Variants in FRMPD4 observed in about 807,000 individuals in gnomAD.
FRMPD4 encodes FERM and PDZ domain-containing protein 4.
A neutral mutation model predicts 94.1 loss-of-function variants in FRMPD4; 22 were observed. The ratio of observed to expected loss-of-function variants is 0.23; its 90% confidence interval spans 0.17 to 0.33. FRMPD4 has a LOEUF of 0.33. FRMPD4 is among the 10% of genes least tolerant of loss of function. The probability of loss-of-function intolerance (pLI) is 1.00; values close to 1 mark genes in which losing one functional copy is unlikely to be tolerated. For synonymous variants in FRMPD4, 631 were observed against 548.6 expected (o/e 1.15, Z -2.10); for missense variants, 1,111 against 1,339.9 (o/e 0.83, Z 2.67).
At chrX:12,720,457 A>C in intron 16 of FRMPD4, 77 bp from the exon 17 acceptor site, 2 of 1,000,142 alleles carry the variant, frequency 2.0e-6, no homozygotes, top group Non-Finnish European at 2.8e-6. Context: ...GACAGACATC[A>C]TGTAGAGATG....
intron 3 of FRMPD4, among the ~76,000 whole-genome samples, chrX:12,067,725 A>G (rs2054933615): frequency 8.9e-6 from 1 of 111,897 alleles, no homozygotes; most frequent in Non-Finnish European, 1.9e-5. Context: ...CAGTGGAGAT[A>G]CTTTTAATGT....
At chrX:11,981,828 G>A (rs1425395930) in intron 3 of FRMPD4, among the ~76,000 whole-genome samples, 2 of 111,364 alleles carry the variant, frequency 1.8e-5, no homozygotes, top group African/African-American at 6.5e-5. Flanking sequence ...GCTAATTCCA[G>A]ATGTTTTACC....
intron 3 of FRMPD4, among the ~76,000 whole-genome samples, chrX:12,076,826 C>T (rs1292208607): frequency 9.0e-6 from 1 of 111,613 alleles, no homozygotes; most frequent in Non-Finnish European, 1.9e-5. Flanking sequence ...TCTCTCCCTC[C>T]TCCAAACAGA....
intron 1 of FRMPD4, among the ~76,000 whole-genome samples, chrX:12,336,891 A>G (rs1392741633): frequency 1.8e-5 from 2 of 111,566 alleles, no homozygotes; most frequent in African/African-American, 6.5e-5. Context: ...AAGAAGAGCA[A>G]TGGAGTGAAC....
intron 3 of FRMPD4, among the ~76,000 whole-genome samples, chrX:11,885,937 C>T (rs1181474657): frequency 1.8e-5 from 2 of 111,623 alleles, no homozygotes; most frequent in Non-Finnish European, 3.8e-5. Context: ...TATTTCGAAG[C>T]TTTGAGTTGA....
chrX:12,546,298 C>A (rs4483344), intron 2 of FRMPD4, among the ~76,000 whole-genome samples: 7 of 108,121 alleles, frequency 6.5e-5, no homozygotes, highest in Non-Finnish European at 1.1e-4. Flanking sequence ...CTACTGCAGC[C>A]TCCCGAGTAG....
intron 1 of FRMPD4, among the ~76,000 whole-genome samples, chrX:12,225,482 T>C (rs1264091558): frequency 8.0e-5 from 9 of 112,305 alleles, no homozygotes; most frequent in Non-Finnish European, 1.5e-4. Flanking sequence ...AAGCTAATAC[T>C]TAATAGCAAC....
chrX:12,108,368 A>T lies in FRMPD4; in HGVS notation c.95+230350A>T, dbSNP rs200044080. On this transcript the variant is annotated intron_variant, in intron 3 of 18. Coordinates refer to the FRMPD4 transcript ENST00000640291. Reference sequence around the variant, plus strand: ...AAATAAAATCCTTTACAGACAAGCAAATGTTGAGAGATTTTGTCACCACCA... The same window carrying T: ...AAATAAAATCCTTTACAGACAAGCATATGTTGAGAGATTTTGTCACCACCA... Among the ~76,000 whole-genome samples, 84 of 111,978 alleles carry T rather than the reference A, an allele frequency of 7.5e-4. No homozygotes were observed. In the East Asian group the frequency reaches 0.023, roughly 30 times the overall value.
intron 5 of FRMPD4, among the ~76,000 whole-genome samples, chrX:12,680,304 C>A (rs1313346281): frequency 2.7e-5 from 3 of 112,142 alleles, no homozygotes; most frequent in African/African-American, 9.7e-5. Flanking sequence ...ATTTCCACCA[C>A]AGGATATGAA....
At chrX:12,551,215 C>T (rs1284507592) in intron 2 of FRMPD4, among the ~76,000 whole-genome samples, 2 of 110,865 alleles carry the variant, frequency 1.8e-5, no homozygotes, top group Non-Finnish European at 3.8e-5. Flanking sequence ...ACACTGAACT[C>T]CCATATGCCC....
chrX:12,404,794 C>G (rs983651752), intron 1 of FRMPD4, among the ~76,000 whole-genome samples: 2 of 111,674 alleles, frequency 1.8e-5, no homozygotes, highest in African/African-American at 6.5e-5. Context: ...TAGGAGTCAG[C>G]AAACTTTCTG....
intron 1 of FRMPD4, among the ~76,000 whole-genome samples, chrX:12,327,391 T>C (rs1478941212): frequency 8.9e-6 from 1 of 111,924 alleles, no homozygotes; most frequent in East Asian, 2.8e-4. Flanking sequence ...CTGTAGCTGA[T>C]CCTATAACTG....
intron 2 of FRMPD4, among the ~76,000 whole-genome samples, chrX:11,867,975 C>T (rs2053731347): frequency 8.9e-6 from 1 of 112,038 alleles, no homozygotes; most frequent in African/African-American, 3.2e-5. Context: ...TTATGTAGCC[C>T]ATTTCTCTCT....
chrX:12,148,214 A>C (rs1176933701), intron 1 of FRMPD4, among the ~76,000 whole-genome samples: 1 of 112,295 alleles, frequency 8.9e-6, no homozygotes, highest in Non-Finnish European at 1.9e-5. Flanking sequence ...TCTTGTGCCA[A>C]ACAGTTCGCC....
In FRMPD4 at chrX:12,304,196, T is replaced by G. The variant is rs879196440; in HGVS notation, c.41+165184T>G. 3.6e-5 allele frequency among the ~76,000 whole-genome samples: 4 copies of G among 112,085 alleles called. No homozygotes were observed. In the Admixed American group the frequency reaches 3.8e-4, roughly 11 times the overall value. On this transcript the variant is annotated intron_variant, in intron 1 of 16. Transcript: ENST00000675598. ...GTACTAAATATTATCTCTAATATAC[T>G]AAGTCCCAAGTGGCTATTTCTGATA...
chrX:12,636,752 C>G (rs1275086388), intron 4 of FRMPD4, among the ~76,000 whole-genome samples: 1 of 111,734 alleles, frequency 8.9e-6, no homozygotes, highest in African/African-American at 3.2e-5. Context: ...TTTTAAGTAT[C>G]ATTATCATAA....
chrX:12,051,713 T>G (rs2054819834), intron 3 of FRMPD4, among the ~76,000 whole-genome samples: 1 of 111,363 alleles, frequency 9.0e-6, no homozygotes, highest in South Asian at 3.8e-4. Flanking sequence ...CCTCCTTTTA[T>G]AAATGTCACA....
chrX:12,369,789 T>C (rs2056137207), intron 1 of FRMPD4, among the ~76,000 whole-genome samples: 1 of 111,874 alleles, frequency 8.9e-6, no homozygotes, highest in Non-Finnish European at 1.9e-5. Flanking sequence ...TGACTAGAGA[T>C]CAGTAAGGAA....
chrX:12,563,239 T>TAACAC (rs1555985062), intron 2 of FRMPD4, among the ~76,000 whole-genome samples: 1 of 97,248 alleles, frequency 1.0e-5, no homozygotes, highest in African/African-American at 3.9e-5. Flanking sequence ...TGTAAGTGTG[T>TAACAC]ACACACACAC....
Sources: allele counts gnomAD v4.1 joint callset (sites outside exome capture counted in the v4.1 genomes callset), GRCh38; gene constraint gnomAD v4.1.1; transcripts MANE v1.5; gene names NCBI Gene and HGNC (gene_info 2026-07-23, HGNC 2026-07-21).